Variants in RAB11FIP4 observed in about 807,000 individuals in gnomAD.
RAB11FIP4 encodes the protein rab11 family-interacting protein 4.
A neutral mutation model predicts 74.3 loss-of-function variants in RAB11FIP4; 23 were observed. That is an observed-to-expected ratio of 0.31 (90% CI 0.22 to 0.44). The LOEUF (loss-of-function observed/expected upper bound fraction) is 0.44, where lower values mean the gene tolerates loss of function less well. Among genes scored for constraint, RAB11FIP4 ranks in the 20% least tolerant of loss-of-function variants. RAB11FIP4 has a pLI of 1.00. For synonymous variants in RAB11FIP4, 360 were observed against 359.9 expected (o/e 1.00, Z 0.00); for missense variants, 630 against 863.9 (o/e 0.73, Z 3.39).
intron 7 of RAB11FIP4, chr17:31,523,129 C>T (rs557521048): frequency 3.5e-6 from 1 of 287,742 alleles, no homozygotes; most frequent in South Asian, 4.4e-5. Context: ...AGGCCCAGAC[C>T]CTCTTCCAGG....
chr17:31,499,137 C>G (rs966937278), intron 3 of RAB11FIP4, among the ~76,000 whole-genome samples: 1 of 152,170 alleles, frequency 6.6e-6, no homozygotes, highest in Non-Finnish European at 1.5e-5. Context: ...GATGCAGTGG[C>G]TGCATGGGAA....
At chr17:31,440,041 A>G (rs148435877) in intron 3 of RAB11FIP4, among the ~76,000 whole-genome samples, 5 of 152,220 alleles carry the variant, frequency 3.3e-5, no homozygotes, top group African/African-American at 1.2e-4. Flanking sequence ...TGATGTCATC[A>G]TTTATCAACC....
chr17:31,510,995 G>C (rs2072441979), intron 3 of RAB11FIP4, among the ~76,000 whole-genome samples: 1 of 151,930 alleles, frequency 6.6e-6, no homozygotes. Flanking sequence ...GCATTCCAAG[G>C]GTTTTTTTGT....
intron 3 of RAB11FIP4, among the ~76,000 whole-genome samples, chr17:31,459,197 C>T (rs1345082281): frequency 6.6e-6 from 1 of 152,114 alleles, no homozygotes. Context: ...AGTCCCTTCT[C>T]CCCTCAGCCA....
Position 31,532,655 on chromosome 17 carries a change from A to G in RAB11FIP4, c.*923A>G, listed in dbSNP as rs1358343141. 1 of 152,230 alleles carries G rather than the reference A, an allele frequency of 6.6e-6. No individual in the cohort carries two copies. The highest frequency in any genetic ancestry group is 1.5e-5 in the Non-Finnish European group (1 of 68,030). The allele number at this position is 152,230 out of a possible 1,614,324, so 9.4% of individuals were successfully genotyped here. A position where few individuals can be genotyped will look rare whatever the true frequency, so the allele number is the denominator to read the frequency against. On this transcript the variant is annotated 3_prime_UTR_variant, in exon 15 of 15. Coordinates refer to ENST00000621161, the MANE Select transcript of RAB11FIP4 (RefSeq NM_032932.6). ...GCTGCATCTTAAGATGGATGCACGG[A>G]GAAACCGTCTGCCTGGCTCCCTGTC...
At chr17:31,411,103 C>G (rs751410717) in intron 1 of RAB11FIP4, among the ~76,000 whole-genome samples, 27 of 152,116 alleles carry the variant, frequency 1.8e-4, no homozygotes, top group Non-Finnish European at 3.5e-4. Context: ...GTGGCTCACG[C>G]CTGTAATCCC....
intron 1 of RAB11FIP4, among the ~76,000 whole-genome samples, chr17:31,401,677 G>T (rs953272654): frequency 1.3e-5 from 2 of 152,220 alleles, no homozygotes; most frequent in African/African-American, 4.8e-5. Context: ...GGCCTGCAGT[G>T]GGCACTGTCC....
Position 31,483,800 on chromosome 17 carries a change from C to CAT in RAB11FIP4, c.337-33838_337-33837dup, listed in dbSNP as rs142483659. Among the ~76,000 whole-genome samples, 9 of 151,184 alleles carry CAT rather than the reference C, an allele frequency of 6.0e-5. No individual in the cohort carries two copies. In the South Asian group the frequency reaches 8.3e-4, roughly 14 times the overall value. On this transcript the variant is annotated intron_variant, in intron 3 of 14. Coordinates refer to ENST00000621161, the MANE Select transcript of RAB11FIP4 (RefSeq NM_032932.6). The stretch of plus-strand genomic sequence containing the variant: ...TTTCTCAAAATAATGATCATGAAAC[C>CAT]ATATATATATATATTTAGCCAGTCG...
chr17:31,430,213 A>C (rs2071294044), intron 1 of RAB11FIP4, among the ~76,000 whole-genome samples: 1 of 152,062 alleles, frequency 6.6e-6, no homozygotes, highest in South Asian at 2.1e-4. Context: ...TGGGGCAGAG[A>C]AGAGTGTGGT....
chr17:31,491,199 C>G (rs532671605), intron 3 of RAB11FIP4, among the ~76,000 whole-genome samples: 1 of 152,222 alleles, frequency 6.6e-6, no homozygotes, highest in African/African-American at 2.4e-5. Context: ...TCTCCCTCAC[C>G]AGGAGGCGTT....
intron 3 of RAB11FIP4, among the ~76,000 whole-genome samples, chr17:31,459,406 T>C (rs2071613139): frequency 6.6e-6 from 1 of 152,148 alleles, no homozygotes; most frequent in African/African-American, 2.4e-5. Flanking sequence ...ATCACTAGAT[T>C]CTTAACTCCA....
intron 3 of RAB11FIP4, among the ~76,000 whole-genome samples, chr17:31,458,107 C>T (rs1015567962): frequency 1.3e-5 from 2 of 152,232 alleles, no homozygotes; most frequent in African/African-American, 2.4e-5. Context: ...GCTCAGACAG[C>T]AGTTAAGACG....
At position 31,452,158 on chromosome 17, in the gene RAB11FIP4, CA is replaced by C. The variant is rs533241303; in HGVS notation, c.336+18037del. Among the ~76,000 whole-genome samples, 548 of 151,810 alleles carry C rather than the reference CA, an allele frequency of 3.6e-3. 4 individuals are homozygous for C. The highest frequency in any genetic ancestry group is 0.013 in the African/African-American group (519 of 41,122). ...GTATCTTGTTTGGCACAGTCTTGAT[CA>C]TCTATGTGTGTCCTGTCATCCCCCA... On this transcript the variant is annotated intron_variant, in intron 3 of 14. Transcript: ENST00000621161.
intron 1 of RAB11FIP4, among the ~76,000 whole-genome samples, chr17:31,397,719 G>A (rs534305663): frequency 6.6e-6 from 1 of 152,332 alleles, no homozygotes; most frequent in Admixed American, 6.5e-5. Flanking sequence ...GCCTGGGGAT[G>A]GGCATGTGGC....
chr17:31,527,770 T>A, intron 10 of RAB11FIP4, 72 bp from the exon 11 acceptor site: 1 of 1,130,976 alleles, frequency 8.8e-7, no homozygotes, highest in Non-Finnish European at 1.3e-6. Flanking sequence ...AGAGAATCAC[T>A]GCAGACTGGC....
intron 10 of RAB11FIP4, chr17:31,527,582 G>A (rs1200245704): frequency 4.5e-6 from 2 of 440,410 alleles, no homozygotes; most frequent in Non-Finnish European, 8.1e-6. Context: ...CAACAGAGCA[G>A]GACTCTGTCT....
rs1310704784 is a variant in RAB11FIP4 at position 31,532,828 on chromosome 17, C to G, written c.*1096C>G. On this transcript the variant is annotated 3_prime_UTR_variant, in exon 15 of 15. Coordinates refer to ENST00000621161, the MANE Select transcript of RAB11FIP4 (RefSeq NM_032932.6). Reference sequence around the variant, plus strand: ...TGATTCTCAGCCAGGGGAGCACTCGCTGCACTGGTGGGAGGCGGTTGGGAA... The same window carrying G: ...TGATTCTCAGCCAGGGGAGCACTCGGTGCACTGGTGGGAGGCGGTTGGGAA... The G allele has an allele frequency of 1.3e-5, 2 of 152,176 alleles. No individual in the cohort carries two copies. Among genetic ancestry groups the G allele is most frequent in the Non-Finnish European group, 2.9e-5 (2 of 68,022 alleles). The allele number at this position is 152,176 out of a possible 1,614,324, so 9.4% of individuals were successfully genotyped here.
At chr17:31,479,751 T>G (rs531796799) in intron 3 of RAB11FIP4, among the ~76,000 whole-genome samples, 2 of 152,238 alleles carry the variant, frequency 1.3e-5, no homozygotes, top group African/African-American at 4.8e-5. Flanking sequence ...AAAAGTTTGG[T>G]ACTAAAAACA....
At chr17:31,513,625 C>T (rs1567685817) in intron 3 of RAB11FIP4, among the ~76,000 whole-genome samples, 2 of 152,186 alleles carry the variant, frequency 1.3e-5, no homozygotes, top group African/African-American at 2.4e-5. Flanking sequence ...CTAACCAAGG[C>T]GTGCAGTAAA....
Sources: allele counts gnomAD v4.1 joint callset (sites outside exome capture counted in the v4.1 genomes callset), GRCh38; gene constraint gnomAD v4.1.1; transcripts MANE v1.5; gene names NCBI Gene and HGNC (gene_info 2026-07-23, HGNC 2026-07-21).